THUMPD2: variants seen among roughly 807,000 people sequenced by gnomAD.
The protein encoded by THUMPD2 is THUMP domain 2 tRNA and snRNA guanosine methyltransferase, also known as U6 snRNA (guanine-N(2))-methyltransferase THUMPD2.
A neutral mutation model predicts 49.4 loss-of-function variants in THUMPD2; 56 were observed. The ratio of observed to expected loss-of-function variants is 1.13; its 90% CI spans 0.91 to 1.41. THUMPD2 has a LOEUF of 1.41. Ranked by LOEUF, THUMPD2 falls within the 40% of genes most tolerant of loss-of-function variation. The pLI is 0.00. For missense variants in THUMPD2, 709 were observed against 594.5 expected, an observed-to-expected ratio of 1.19 and a Z score of -2.00; for synonymous variants, 237 against 205.2, an observed-to-expected ratio of 1.15 and a Z score of -1.32.
chr2:39,749,216 T>A (rs1447826417), intron 8 of THUMPD2, among the ~76,000 whole-genome samples: 1 of 152,142 alleles, frequency 6.6e-6, no homozygotes, highest in Non-Finnish European at 1.5e-5. Flanking sequence ...CACAGTAGCA[T>A]TCACAAAGAA....
chr2:39,768,854 T>C, intron 3 of THUMPD2: 4 of 1,236,450 alleles, frequency 3.2e-6, no homozygotes, highest in Non-Finnish European at 4.3e-6. Flanking sequence ...TCAGCTACTA[T>C]AAGCCTATGT....
In THUMPD2 at chr2:39,755,937, T is replaced by C. The variant is rs1676057998; in HGVS notation, c.915A>G (p.Pro305=). The C allele has an allele frequency of 6.2e-7, 1 of 1,613,716 alleles. No homozygotes were observed. Among genetic ancestry groups the C allele is most frequent in the Admixed American group, 1.7e-5 (1 of 59,966 alleles). Reference sequence around the variant, plus strand: ...AAAGTATTGTTCCAAGTCCACACATTGGATCTAAAACAAATGCACCAGCCT... The same window carrying C: ...AAAGTATTGTTCCAAGTCCACACATCGGATCTAAAACAAATGCACCAGCCT... The part of the protein sequence containing the change: ...DIKAGAFVLD[P]MCGLGTILLE... Residue 305 remains proline, a synonymous_variant, in exon 7 of 10, where the codon CCA becomes CCG. Coordinates refer to ENST00000505747, the MANE Select transcript of THUMPD2 (RefSeq NM_025264.5).
At chr2:39,764,056 C>T (rs1321745327) in intron 5 of THUMPD2, among the ~76,000 whole-genome samples, 1 of 152,224 alleles carries the variant, frequency 6.6e-6, no homozygotes, top group African/African-American at 2.4e-5. Context: ...CTTCTCTTCT[C>T]CATGCGGCAT....
chr2:39,743,079 T>C (rs1331436674), intron 9 of THUMPD2, among the ~76,000 whole-genome samples: 2 of 152,220 alleles, frequency 1.3e-5, no homozygotes, highest in African/African-American at 4.8e-5. Context: ...TGACTTTTAG[T>C]TGAGCTTAGA....
chr2:39,769,337 C>T (rs572734796), intron 3 of THUMPD2: 13 of 230,302 alleles, frequency 5.6e-5, no homozygotes, highest in Non-Finnish European at 8.0e-5. Flanking sequence ...TAATTGTCTG[C>T]GGCTAGTTAT....
chr2:39,755,790 T>A, intron 7 of THUMPD2, 99 bp downstream of exon 7: 1 of 955,246 alleles, frequency 1.0e-6, no homozygotes, highest in Non-Finnish European at 1.6e-6. Flanking sequence ...TTAAAAATAA[T>A]CCCCAAATAG....
chr2:39,778,983 C>A, intron 1 of THUMPD2, 131 bp downstream of exon 1: 1 of 1,215,484 alleles, frequency 8.2e-7, no homozygotes, highest in Non-Finnish European at 1.1e-6. Flanking sequence ...CAGTCAACCT[C>A]GGGGGTCGGC....
intron 6 of THUMPD2, 53 bp downstream of exon 6, chr2:39,761,278 G>T: frequency 2.7e-6 from 4 of 1,500,896 alleles, no homozygotes; most frequent in Non-Finnish European, 3.7e-6. Flanking sequence ...GACTGTATAA[G>T]TTAATTATGA....
In THUMPD2 at chr2:39,771,541, T is replaced by A. The variant is rs1678317384; in HGVS notation, c.226A>T (p.Lys76Ter). The part of the protein sequence containing the change: ...SAERLFLLIK[K>*]QFPLIISSVS... The stretch of plus-strand genomic sequence containing the variant: ...GAAGAAATAATAAGTGGAAACTGCT[T>A]TTTAATCAGCAAAAATAATCTTTCT... Residue 76 changes from lysine (K) to a stop codon, truncating the protein, a stop_gained, in exon 2 of 10, where the codon AAG (lysine) becomes TAG (stop). Transcript: ENST00000505747. LOFTEE classifies it high-confidence loss of function. 1 of 1,607,946 alleles carries A rather than the reference T, an allele frequency of 6.2e-7. No individual in the cohort carries two copies. The highest frequency in any genetic ancestry group is 1.3e-5 in the African/African-American group (1 of 74,662).
rs1437141265 is a variant in THUMPD2 at position 39,736,219 on chromosome 2, GTTA to G, written c.*513_*515del. On this transcript the variant is annotated 3_prime_UTR_variant, in exon 10 of 10. Coordinates refer to ENST00000505747, the MANE Select transcript of THUMPD2 (RefSeq NM_025264.5). The stretch of plus-strand genomic sequence containing the variant: ...TTTTGAAGGATACTGGCTTAATTCA[GTTA>G]TTATTCTCACTGTTGGTTTACATAA... 6.6e-6 allele frequency: 1 copy of G among 152,364 alleles called. No homozygotes were observed. The highest frequency in any genetic ancestry group is 1.5e-5 in the Non-Finnish European group (1 of 68,240). 9.4% of individuals were successfully genotyped at this position (152,364 alleles called of 1,614,324 possible).
chr2:39,775,962 T>G (rs955558451), intron 1 of THUMPD2, among the ~76,000 whole-genome samples: 1 of 152,112 alleles, frequency 6.6e-6, no homozygotes, highest in Non-Finnish European at 1.5e-5. Context: ...TCAGGACCTG[T>G]GTTAATAGTG....
At chr2:39,753,375 T>A (rs1310738500) in intron 8 of THUMPD2, among the ~76,000 whole-genome samples, 3 of 152,164 alleles carry the variant, frequency 2.0e-5, no homozygotes, top group Admixed American at 2.0e-4. Context: ...CAGCTGTTCC[T>A]TTACCAGATG....
intron 8 of THUMPD2, among the ~76,000 whole-genome samples, chr2:39,751,815 G>T (rs1220929767): frequency 6.6e-6 from 1 of 150,928 alleles, no homozygotes; most frequent in East Asian, 2.0e-4. Context: ...CTCCCAAGTA[G>T]GTGGGACTAC....
At chr2:39,740,965 G>C (rs1271778689) in intron 9 of THUMPD2, among the ~76,000 whole-genome samples, 4 of 152,094 alleles carry the variant, frequency 2.6e-5, no homozygotes, top group African/African-American at 9.7e-5. Flanking sequence ...TTCCACCCCA[G>C]CATCTTGAGT....
intron 9 of THUMPD2, among the ~76,000 whole-genome samples, chr2:39,738,841 A>C (rs984328301): frequency 6.6e-6 from 1 of 152,064 alleles, no homozygotes; most frequent in South Asian, 2.1e-4. Context: ...CTGGAAACTG[A>C]GGAAGCAGAG....
Position 39,766,119 on chromosome 2 carries a change from C to G in THUMPD2, c.751-10G>C. ...TTAGATGTATAAAGATCTGAAAGAA[C>G]AAACACAGAAGTTAGAATGGAACAA... On this transcript the variant is annotated splice_polypyrimidine_tract_variant and intron_variant, in intron 4 of 9. Transcript: ENST00000505747. 6.4e-7 allele frequency: 1 copy of G among 1,558,754 alleles called. No homozygotes were observed. The highest frequency in any genetic ancestry group is 8.6e-7 in the Non-Finnish European group (1 of 1,158,408).
At chr2:39,742,969 T>C (rs1169238828) in intron 9 of THUMPD2, among the ~76,000 whole-genome samples, 2 of 152,182 alleles carry the variant, frequency 1.3e-5, no homozygotes, top group East Asian at 3.8e-4. Context: ...TCTCAGGTAA[T>C]ATTTCAAGAG....
chr2:39,764,437 T>C (rs1455805030), intron 5 of THUMPD2, among the ~76,000 whole-genome samples: 1 of 152,246 alleles, frequency 6.6e-6, no homozygotes, highest in Non-Finnish European at 1.5e-5. Flanking sequence ...TATGCTATAC[T>C]GTAGTAGGTG....
At chr2:39,740,730 T>C (rs1673783302) in intron 9 of THUMPD2, among the ~76,000 whole-genome samples, 1 of 151,646 alleles carries the variant, frequency 6.6e-6, no homozygotes, top group Non-Finnish European at 1.5e-5. Flanking sequence ...TTTTCTTTTC[T>C]TTTTAGAGAT....
Sources: allele counts gnomAD v4.1 joint callset (sites outside exome capture counted in the v4.1 genomes callset), GRCh38; gene constraint gnomAD v4.1.1; transcripts MANE v1.5; gene names NCBI Gene and HGNC (gene_info 2026-07-23, HGNC 2026-07-21).